The following METTL15 variants were observed in gnomAD, a reference collection of about 807,000 sequenced individuals.
The protein encoded by METTL15 is methyltransferase 15, mitochondrial 12S rRNA N4-cytidine.
A neutral mutation model predicts 38.3 loss-of-function variants in METTL15; 34 were observed. The ratio of observed to expected loss-of-function variants is 0.89; its 90% CI spans 0.68 to 1.18. The LOEUF (loss-of-function observed/expected upper bound fraction) is 1.18. Among genes scored for constraint, METTL15 ranks in the 50% most tolerant of loss-of-function variants. The pLI is 0.00. For synonymous variants in METTL15, 162 were observed against 170.9 expected, an observed-to-expected ratio of 0.95 and a Z score of 0.41; for missense variants, 438 against 498.4, an observed-to-expected ratio of 0.88 and a Z score of 1.15.
At chr11:28,372,961 A>G (rs1384711054) in intron 5 of METTL15, among the ~76,000 whole-genome samples, 3 of 151,274 alleles carry the variant, frequency 2.0e-5, no homozygotes, top group East Asian at 2.0e-4. Flanking sequence ...ATCATTTTTT[A>G]TGGCTGCATA....
intron 6 of METTL15, among the ~76,000 whole-genome samples, chr11:28,490,942 G>A (rs1223877449): frequency 3.9e-5 from 6 of 152,134 alleles, no homozygotes; most frequent in Admixed American, 6.6e-5. Context: ...AAATTTGGAA[G>A]GATTTTGTGT....
At chr11:28,218,488 A>G (rs1000336444) in intron 4 of METTL15, among the ~76,000 whole-genome samples, 7 of 152,286 alleles carry the variant, frequency 4.6e-5, no homozygotes, top group East Asian at 3.9e-4. Flanking sequence ...TAGATATACA[A>G]TCATGTCATC....
In METTL15 at chr11:28,296,831, C is replaced by T. The variant is rs766049189; in HGVS notation, c.678C>T (p.Tyr226=). Reference sequence around the variant, plus strand: ...CACTTGCATCTATCCTAAGAACATACGGGGAGGAGAAGCATGCCAAGAAAA... The same window carrying T: ...CACTTGCATCTATCCTAAGAACATATGGGGAGGAGAAGCATGCCAAGAAAA... The part of the protein sequence containing the change: ...QQALASILRT[Y]GEEKHAKKIA... The change falls in exon 6 of 7, where the codon TAC becomes TAT. Residue 226 remains tyrosine (Y), a synonymous_variant. Transcript: ENST00000407364. 64 of 1,613,418 alleles carry T rather than the reference C, an allele frequency of 4.0e-5. No homozygotes were observed. Among genetic ancestry groups the T allele is most frequent in the East Asian group, 2.0e-4 (9 of 44,866 alleles).
At chr11:28,241,512 C>T (rs1472414073) in intron 4 of METTL15, among the ~76,000 whole-genome samples, 7 of 146,050 alleles carry the variant, frequency 4.8e-5, no homozygotes, top group Admixed American at 7.0e-5. Flanking sequence ...CCAGCCTGGG[C>T]GACAGAGGGA....
intron 3 of METTL15, chr11:28,163,393 T>G (rs1031624657): frequency 2.5e-6 from 1 of 398,140 alleles, no homozygotes; most frequent in Non-Finnish European, 4.4e-6. Context: ...TACCAGAACT[T>G]CATTCTACAG....
intron 6 of METTL15, among the ~76,000 whole-genome samples, chr11:28,463,403 A>G (rs1258700458): frequency 2.6e-5 from 4 of 152,172 alleles, no homozygotes; most frequent in Non-Finnish European, 4.4e-5. Flanking sequence ...TCAGGGACAA[A>G]TTTTACTTTA....
intron 3 of METTL15, among the ~76,000 whole-genome samples, chr11:28,162,095 T>C (rs1430697152): frequency 6.6e-6 from 1 of 152,194 alleles, no homozygotes; most frequent in Non-Finnish European, 1.5e-5. Flanking sequence ...GTACCATTAT[T>C]ACCAACATAT....
intron 6 of METTL15, among the ~76,000 whole-genome samples, chr11:28,441,073 T>G (rs2133440493): frequency 6.6e-6 from 1 of 151,456 alleles, no homozygotes; most frequent in African/African-American, 2.4e-5. Flanking sequence ...TTTTTTTTTT[T>G]TGTAGGATTT....
chr11:28,379,734 G>C (rs1850361026), intron 5 of METTL15, among the ~76,000 whole-genome samples: 1 of 152,120 alleles, frequency 6.6e-6, no homozygotes, highest in Non-Finnish European at 1.5e-5. Context: ...CTTTTTTCTA[G>C]TGTGTAGTTT....
At chr11:28,220,480 A>T (rs1364880836) in intron 4 of METTL15, among the ~76,000 whole-genome samples, 2 of 152,220 alleles carry the variant, frequency 1.3e-5, no homozygotes, top group South Asian at 4.2e-4. Flanking sequence ...GGGTTTCCTG[A>T]ATACAGCACA....
At chr11:28,309,293 C>A (rs1857191605) in intron 6 of METTL15, among the ~76,000 whole-genome samples, 1 of 152,102 alleles carries the variant, frequency 6.6e-6, no homozygotes, top group African/African-American at 2.4e-5. Context: ...ACTTTTGACA[C>A]CCCACCACTG....
intron 3 of METTL15, among the ~76,000 whole-genome samples, chr11:28,115,315 A>G (rs916809548): frequency 2.0e-5 from 3 of 150,978 alleles, no homozygotes; most frequent in Non-Finnish European, 4.4e-5. Flanking sequence ...CTGGAGTGCA[A>G]TGGCATGATC....
intron 5 of METTL15, among the ~76,000 whole-genome samples, chr11:28,364,072 T>C (rs936012804): frequency 6.6e-6 from 1 of 152,226 alleles, no homozygotes; most frequent in Non-Finnish European, 1.5e-5. Flanking sequence ...CATGCTGTTT[T>C]GATTACTGTA....
At chr11:28,237,940 T>G (rs1197591656) in intron 4 of METTL15, among the ~76,000 whole-genome samples, 1 of 152,202 alleles carries the variant, frequency 6.6e-6, no homozygotes, top group Non-Finnish European at 1.5e-5. Flanking sequence ...CCGCAAATGC[T>G]GCTGTCTGAT....
At chr11:28,241,228 A>T (rs983292504) in intron 4 of METTL15, among the ~76,000 whole-genome samples, 23 of 152,260 alleles carry the variant, frequency 1.5e-4, no homozygotes, top group African/African-American at 5.3e-4. Flanking sequence ...ACAAAGTGAT[A>T]CTTATGATGA....
chr11:28,239,932 A>G (rs1461630089), intron 4 of METTL15, among the ~76,000 whole-genome samples: 1 of 152,198 alleles, frequency 6.6e-6, no homozygotes, highest in Non-Finnish European at 1.5e-5. Context: ...TGTTTACCCC[A>G]ACTAGAATAT....
chr11:28,284,785 C>G (rs959549304), intron 4 of METTL15, among the ~76,000 whole-genome samples: 1 of 152,112 alleles, frequency 6.6e-6, no homozygotes, highest in African/African-American at 2.4e-5. Flanking sequence ...GATCTAGGGA[C>G]ATAGGCAGAC....
chr11:28,301,846 G>A lies in METTL15; in HGVS notation c.778+4915G>A, dbSNP rs182605156. Among the ~76,000 whole-genome samples, 959 of 152,166 alleles carry A rather than the reference G, an allele frequency of 6.3e-3. 11 individuals carry two copies. Among genetic ancestry groups the A allele is most frequent in the African/African-American group, 0.022 (897 of 41,530 alleles). On this transcript the variant is annotated intron_variant, in intron 6 of 6. Transcript: ENST00000407364. ...CTTTTGTACTAATTACTGTATCATA[G>A]CATTTAGCCTAATGTTTGACACCTG...
intron 6 of METTL15, among the ~76,000 whole-genome samples, chr11:28,512,090 A>G (rs1851679447): frequency 6.6e-6 from 1 of 152,170 alleles, no homozygotes; most frequent in Admixed American, 6.5e-5. Flanking sequence ...TCCCTGAGCT[A>G]GACACAAAAG....
Sources: gnomAD v4.1 joint callset for allele counts (sites outside exome capture counted in the v4.1 genomes callset) on GRCh38, gnomAD v4.1.1 for gene constraint, MANE v1.5 for transcripts, NCBI Gene and HGNC (gene_info 2026-07-23, HGNC 2026-07-21) for gene names.